The following GAD2 variants were observed in gnomAD, a reference collection of about 807,000 sequenced individuals.
The protein encoded by GAD2 is glutamate decarboxylase 2.
GAD2 carries 22 observed loss-of-function variants against 80.1 expected under a neutral mutation model. The observed-to-expected ratio is 0.27, with a 90% CI of 0.20 to 0.39. The LOEUF (loss-of-function observed/expected upper bound fraction) is 0.39. GAD2 is among the 10% of genes least tolerant of loss of function. The pLI is 1.00. For synonymous variants in GAD2, 274 were observed against 256.9 expected, an observed-to-expected ratio of 1.07 and a Z score of -0.64; for missense variants, 624 against 738.4, an observed-to-expected ratio of 0.85 and a Z score of 1.80.
chr10:26,280,371 A>G (rs910795252), intron 11 of GAD2, among the ~76,000 whole-genome samples: 89 of 152,154 alleles, frequency 5.8e-4, no homozygotes, highest in Admixed American at 3.1e-3. Flanking sequence ...GGTTCTATGC[A>G]TTTTAGAGAG....
chr10:26,256,750 T>C (rs12269473), intron 8 of GAD2, among the ~76,000 whole-genome samples: 3,803 of 152,330 alleles, frequency 0.025, 164 homozygotes, highest in African/African-American at 0.086. Context: ...ATATCAACTT[T>C]GATTTTTTGG....
intron 15 of GAD2, among the ~76,000 whole-genome samples, chr10:26,294,251 T>C (rs1834249690): frequency 6.6e-6 from 1 of 152,242 alleles, no homozygotes; most frequent in Admixed American, 6.5e-5. Context: ...GCTTGGGCTG[T>C]CTCACTGACC....
chr10:26,241,810 G>T (rs1269817188), intron 7 of GAD2, among the ~76,000 whole-genome samples: 1 of 152,034 alleles, frequency 6.6e-6, no homozygotes, highest in African/African-American at 2.4e-5. Context: ...GATGATAATA[G>T]GTTGTTATCT....
intron 6 of GAD2, among the ~76,000 whole-genome samples, chr10:26,225,713 C>T (rs1844512932): frequency 6.6e-6 from 1 of 152,194 alleles, no homozygotes; most frequent in Non-Finnish European, 1.5e-5. Flanking sequence ...GCATGTTTGC[C>T]TGCAAGCTCT....
intron 5 of GAD2, among the ~76,000 whole-genome samples, 163 bp from the exon 6 acceptor site, chr10:26,224,376 T>A (rs1419657141): frequency 6.6e-6 from 1 of 152,158 alleles, no homozygotes; most frequent in Non-Finnish European, 1.5e-5. Flanking sequence ...AAATAAACAT[T>A]TTGGAAGGCC....
intron 8 of GAD2, among the ~76,000 whole-genome samples, chr10:26,253,111 T>G (rs1844900061): frequency 6.6e-6 from 1 of 152,226 alleles, no homozygotes; most frequent in Admixed American, 6.5e-5. Flanking sequence ...AGCATTTTAA[T>G]TTTATTAAAT....
At chr10:26,290,600 T>C (rs1043974705) in intron 13 of GAD2, among the ~76,000 whole-genome samples, 1 of 152,094 alleles carries the variant, frequency 6.6e-6, no homozygotes, top group African/African-American at 2.4e-5. Context: ...CAGCAAAAAT[T>C]GAGATAACAG....
At chr10:26,243,051 CT>C (rs8190666) in intron 7 of GAD2, among the ~76,000 whole-genome samples, 5 of 152,096 alleles carry the variant, frequency 3.3e-5, no homozygotes, top group Non-Finnish European at 5.9e-5. Context: ...AACCCCCCCC[CT>C]TTTTTTGGTG....
rs1268695092 is a variant in GAD2 at position 26,303,058 on chromosome 10, C to T, written c.*2097C>T. ...CTAATTGATCCAACCTGCTGTCCTT[C>T]GTGGAGAAGACAGTGGGGCCCAGTG... On this transcript the variant is annotated 3_prime_UTR_variant, in exon 16 of 16. Transcript: ENST00000376261. The T allele has an allele frequency of 1.3e-5, 2 of 152,322 alleles. No individual in the cohort carries two copies. The highest frequency in any genetic ancestry group is 2.9e-5 in the Non-Finnish European group (2 of 68,036). The allele number at this position is 152,322 out of a possible 1,614,324, so 9.4% of individuals were successfully genotyped here.
intron 8 of GAD2, among the ~76,000 whole-genome samples, chr10:26,251,887 G>A (rs985065751): frequency 1.3e-5 from 2 of 152,206 alleles, no homozygotes; most frequent in Non-Finnish European, 2.9e-5. Flanking sequence ...TGGTTTAAGT[G>A]ACATTGAAGT....
At chr10:26,282,514 G>A (rs1845282982) in intron 12 of GAD2, among the ~76,000 whole-genome samples, 1 of 151,772 alleles carries the variant, frequency 6.6e-6, no homozygotes, top group Admixed American at 6.6e-5. Flanking sequence ...TATACATGTT[G>A]ATTCTTCTTT....
intron 5 of GAD2, 68 bp from the exon 6 acceptor site, chr10:26,224,471 C>G: frequency 1.1e-6 from 1 of 907,356 alleles, no homozygotes; most frequent in Non-Finnish European, 1.9e-6. Flanking sequence ...AGTTCTGTAG[C>G]TATTGTAATG....
At chr10:26,269,206 T>C (rs758432066) in intron 9 of GAD2, 33 bp downstream of exon 9, 15 of 1,540,206 alleles carry the variant, frequency 9.7e-6, no homozygotes, top group African/African-American at 5.5e-5. Flanking sequence ...ATCCAGCCCA[T>C]ATTTCTATTT....
chr10:26,275,474 G>A (rs1411016266), intron 11 of GAD2, among the ~76,000 whole-genome samples: 2 of 152,152 alleles, frequency 1.3e-5, no homozygotes, highest in Non-Finnish European at 2.9e-5. Flanking sequence ...TCTTATTGCC[G>A]CAATTCTTGA....
chr10:26,280,197 G>A (rs8190743), intron 11 of GAD2, among the ~76,000 whole-genome samples: 28 of 152,314 alleles, frequency 1.8e-4, no homozygotes, highest in Admixed American at 2.6e-4. Context: ...GCCCTCACCT[G>A]CTATTTCTGT....
Position 26,292,392 on chromosome 10 carries a change from G to A in GAD2, c.1387-73G>A, listed in dbSNP as rs3824694. ...GCTAAGACAGAGACGGCAGGATGACGGTCAGTCTCCAGGGAAATCGCTTCC... is the reference window on the plus strand; with the variant it reads ...GCTAAGACAGAGACGGCAGGATGACAGTCAGTCTCCAGGGAAATCGCTTCC... On this transcript the variant is annotated intron_variant, in intron 13 of 15. Coordinates refer to ENST00000376261, the MANE Select transcript of GAD2 (RefSeq NM_001134366.2). The A allele has an allele frequency of 2.9e-5, 32 of 1,085,572 alleles. No individual in the cohort carries two copies. The South Asian group carries it at 4.0e-4, about 14-fold the overall frequency. 67.2% of individuals were successfully genotyped at this position (1,085,572 alleles called of 1,614,324 possible). A position where few individuals can be genotyped will look rare whatever the true frequency, so the allele number is the denominator to read the frequency against.
Position 26,292,975 on chromosome 10 carries a change from T to A in GAD2, c.1568T>A (p.Met523Lys). Residue 523 changes from methionine (M) to lysine (K), a missense_variant, in exon 15 of 16, where the codon ATG becomes AAG. Coordinates refer to ENST00000376261, the MANE Select transcript of GAD2 (RefSeq NM_001134366.2). Reference sequence around the variant, plus strand: ...ACTCTGGAAGACAATGAAGAGAGAATGAGTCGCCTCTCGAAGGTCAGTGCT... The same window carrying A: ...ACTCTGGAAGACAATGAAGAGAGAAAGAGTCGCCTCTCGAAGGTCAGTGCT... Reference protein sequence around the residue: ...LRTLEDNEERMSRLSKVAPVI... With the variant: ...LRTLEDNEERKSRLSKVAPVI... 1 of 1,613,548 alleles carries A rather than the reference T, an allele frequency of 6.2e-7. No individual in the cohort carries two copies. The highest frequency in any genetic ancestry group is 8.5e-7 in the Non-Finnish European group (1 of 1,179,700).
rs577424603 is a variant in GAD2 at position 26,251,965 on chromosome 10, A to C, written c.920+5965A>C. Reference sequence around the variant, plus strand: ...TGTAGCCACCATTGGGGTCAGAATCAATTAAAACACTCTCGGCAGCCATTT... The same window carrying C: ...TGTAGCCACCATTGGGGTCAGAATCCATTAAAACACTCTCGGCAGCCATTT... On this transcript the variant is annotated intron_variant, in intron 8 of 15. Coordinates refer to ENST00000376261, the MANE Select transcript of GAD2 (RefSeq NM_001134366.2). Among the ~76,000 whole-genome samples the C allele has an allele frequency of 1.6e-4, 24 of 152,350 alleles. 1 individual carries two copies. Among genetic ancestry groups the C allele is most frequent in the Non-Finnish European group, 3.4e-4 (23 of 68,028 alleles).
At chr10:26,259,490 T>C (rs138015272) in intron 8 of GAD2, among the ~76,000 whole-genome samples, 98 of 152,318 alleles carry the variant, frequency 6.4e-4, no homozygotes, top group African/African-American at 2.1e-3. Flanking sequence ...GATTTTTTTT[T>C]CATGTGCTTA....
Sources: gnomAD v4.1 joint callset for allele counts (sites outside exome capture counted in the v4.1 genomes callset) on GRCh38, gnomAD v4.1.1 for gene constraint, MANE v1.5 for transcripts, NCBI Gene and HGNC (gene_info 2026-07-23, HGNC 2026-07-21) for gene names.